The following SRBD1 variants were observed in gnomAD, a reference collection of about 807,000 sequenced individuals.
SRBD1 encodes S1 RNA-binding domain-containing protein 1.
Under a neutral mutation model 115.3 loss-of-function variants are expected in SRBD1, and 88 were observed. The observed-to-expected ratio is 0.76, with a 90% CI of 0.64 to 0.91. The LOEUF (loss-of-function observed/expected upper bound fraction) is 0.91. Among genes scored for constraint, SRBD1 ranks in the 40% least tolerant of loss-of-function variants. The pLI is 0.00. For missense variants in SRBD1, 1,385 were observed against 1,177.4 expected (o/e 1.18, Z -2.58); for synonymous variants, 509 against 407.7 (o/e 1.25, Z -2.99).
chr2:45,603,779 C>T (rs372776827), intron 2 of SRBD1, among the ~76,000 whole-genome samples: 3 of 152,136 alleles, frequency 2.0e-5, no homozygotes, highest in East Asian at 1.9e-4. Flanking sequence ...ATCAGCCCGA[C>T]GTGGCCTCCC....
chr2:45,527,679 C>G, intron 14 of SRBD1, among the ~76,000 whole-genome samples: 1 of 151,680 alleles, frequency 6.6e-6, no homozygotes, highest in South Asian at 2.1e-4. Context: ...TCAAGAAAAC[C>G]CTACGAAGTA....
At chr2:45,422,306 A>G (rs1481848077) in intron 16 of SRBD1, among the ~76,000 whole-genome samples, 1 of 152,120 alleles carries the variant, frequency 6.6e-6, no homozygotes, top group Non-Finnish European at 1.5e-5. Context: ...CCTCCTTTCA[A>G]ACAGAAGCCT....
chr2:45,488,365 C>T lies in SRBD1; in HGVS notation c.1875-34G>A, dbSNP rs1670185048. 3.2e-6 allele frequency: 5 copies of T among 1,581,170 alleles called. No individual in the cohort carries two copies. In the East Asian group the frequency reaches 6.7e-5, roughly 21 times the overall value. The stretch of plus-strand genomic sequence containing the variant: ...ACAGAAAAAGGGGAATATCACTTTC[C>T]TAACTTCCTGCCTGGTCAAAGAAAA... On this transcript the variant is annotated intron_variant, in intron 14 of 20. Transcript: ENST00000263736.
intron 15 of SRBD1, among the ~76,000 whole-genome samples, chr2:45,482,980 T>C (rs1670012941): frequency 6.6e-6 from 1 of 152,158 alleles, no homozygotes; most frequent in East Asian, 1.9e-4. Flanking sequence ...TGTTGTTTTT[T>C]AAAAATATTT....
intron 16 of SRBD1, among the ~76,000 whole-genome samples, chr2:45,448,723 C>T (rs951875376): frequency 1.2e-4 from 19 of 152,212 alleles, no homozygotes; most frequent in Non-Finnish European, 2.5e-4. Context: ...TATTCAAGAA[C>T]TGAAGCTACC....
At chr2:45,547,439 C>T in intron 13 of SRBD1, 83 bp downstream of exon 13, 3 of 1,214,370 alleles carry the variant, frequency 2.5e-6, no homozygotes, top group Non-Finnish European at 3.5e-6. Flanking sequence ...CTCCCTTAAT[C>T]CCTCCCTCCA....
At chr2:45,411,283 A>G (rs891501930) in intron 19 of SRBD1, among the ~76,000 whole-genome samples, 1 of 152,210 alleles carries the variant, frequency 6.6e-6, no homozygotes, top group African/African-American at 2.4e-5. Context: ...TCTATGTTGT[A>G]CTGAGAGTAG....
At chr2:45,558,681 AATT>A (rs1043016424) in intron 10 of SRBD1, among the ~76,000 whole-genome samples, 3 of 147,452 alleles carry the variant, frequency 2.0e-5, no homozygotes, top group African/African-American at 7.6e-5. Flanking sequence ...CAAGCCACAC[AATT>A]ATTTTTTTTT....
At chr2:45,544,410 A>C (rs1672043943) in intron 14 of SRBD1, among the ~76,000 whole-genome samples, 1 of 152,206 alleles carries the variant, frequency 6.6e-6, no homozygotes, top group African/African-American at 2.4e-5. Context: ...TCCAAAGATG[A>C]AGATGCTAAA....
intron 14 of SRBD1, among the ~76,000 whole-genome samples, chr2:45,506,360 G>C (rs1379054193): frequency 1.3e-5 from 2 of 152,134 alleles, no homozygotes; most frequent in Non-Finnish European, 2.9e-5. Flanking sequence ...TAAAGCACAA[G>C]CAGGAGCCAG....
At chr2:45,478,244 C>G (rs1669862157) in intron 15 of SRBD1, among the ~76,000 whole-genome samples, 1 of 152,096 alleles carries the variant, frequency 6.6e-6, no homozygotes, top group Admixed American at 6.6e-5. Context: ...AAATCCTATG[C>G]CTGTTTCCAT....
chr2:45,508,923 A>G (rs962184465), intron 14 of SRBD1, among the ~76,000 whole-genome samples: 1 of 152,198 alleles, frequency 6.6e-6, no homozygotes, highest in Non-Finnish European at 1.5e-5. Context: ...TGAGAGAAGA[A>G]AAAAGGAAGA....
intron 8 of SRBD1, among the ~76,000 whole-genome samples, chr2:45,574,239 A>G (rs1308610632): frequency 6.6e-6 from 1 of 152,188 alleles, no homozygotes; most frequent in East Asian, 1.9e-4. Flanking sequence ...ATCACTGGTA[A>G]ACACCAGAAA....
intron 8 of SRBD1, 151 bp downstream of exon 8, chr2:45,574,476 T>C: frequency 1.6e-6 from 1 of 642,096 alleles, no homozygotes; most frequent in Non-Finnish European, 2.6e-6. Flanking sequence ...GTTTTATATA[T>C]TTGGGCTCTG....
chr2:45,442,432 TG>T (rs1192407560), intron 16 of SRBD1, among the ~76,000 whole-genome samples: 1 of 152,230 alleles, frequency 6.6e-6, no homozygotes, highest in Non-Finnish European at 1.5e-5. Context: ...TCTCCCGTTC[TG>T]GGAGAATTAG....
intron 16 of SRBD1, among the ~76,000 whole-genome samples, chr2:45,440,160 A>ATC (rs1668621401): frequency 6.6e-6 from 1 of 152,204 alleles, no homozygotes; most frequent in Admixed American, 6.5e-5. Context: ...TAAGATACTG[A>ATC]TCCTGCCTTT....
At chr2:45,504,456 C>G (rs1670737154) in intron 14 of SRBD1, among the ~76,000 whole-genome samples, 1 of 152,080 alleles carries the variant, frequency 6.6e-6, no homozygotes, top group African/African-American at 2.4e-5. Flanking sequence ...ATCATCATCT[C>G]TGTGATGTAA....
chr2:45,443,341 C>A (rs539339105), intron 16 of SRBD1, among the ~76,000 whole-genome samples: 2 of 152,034 alleles, frequency 1.3e-5, no homozygotes, highest in African/African-American at 2.4e-5. Flanking sequence ...ATCTTAATAA[C>A]AAGAAGTTTT....
intron 16 of SRBD1, among the ~76,000 whole-genome samples, chr2:45,434,588 T>C (rs1668433514): frequency 1.3e-5 from 2 of 152,210 alleles, no homozygotes; most frequent in Admixed American, 6.5e-5. Context: ...AGATTTCCTA[T>C]ACAATCAATT....
Sources: gnomAD v4.1 joint callset for allele counts (sites outside exome capture counted in the v4.1 genomes callset) on GRCh38, gnomAD v4.1.1 for gene constraint, MANE v1.5 for transcripts, NCBI Gene and HGNC (gene_info 2026-07-23, HGNC 2026-07-21) for gene names.